ATP10D: variants seen among roughly 807,000 people sequenced by gnomAD.
ATP10D encodes the protein phospholipid-transporting ATPase VD.
ATP10D carries 89 observed loss-of-function variants against 144.8 expected under a neutral mutation model. That is an observed-to-expected ratio of 0.61 (90% CI 0.52 to 0.73). ATP10D has a LOEUF of 0.73. ATP10D is among the 30% of genes least tolerant of loss of function. The pLI is 0.00. For synonymous variants in ATP10D, 571 were observed against 615.1 expected (o/e 0.93, Z 1.06); for missense variants, 1,603 against 1,714.8 (o/e 0.93, Z 1.15).
At chr4:47,492,243 C>T (rs1272750589) in intron 1 of ATP10D, among the ~76,000 whole-genome samples, 1 of 152,164 alleles carries the variant, frequency 6.6e-6, no homozygotes, top group African/African-American at 2.4e-5. Flanking sequence ...AACTGATGCT[C>T]AGAAAGGCTA....
intron 1 of ATP10D, among the ~76,000 whole-genome samples, chr4:47,490,268 A>G (rs1715003667): frequency 6.6e-6 from 1 of 152,196 alleles, no homozygotes; most frequent in African/African-American, 2.4e-5. Context: ...TATTTTCTTC[A>G]CAAATATTCT....
At chr4:47,573,438 A>G (rs1005237517) in intron 18 of ATP10D, among the ~76,000 whole-genome samples, 18 of 152,272 alleles carry the variant, frequency 1.2e-4, no homozygotes, top group Admixed American at 8.5e-4. Context: ...ACAGATGAAA[A>G]CCTAGTATGT....
At chr4:47,554,958 AG>A in intron 11 of ATP10D, 44 bp downstream of exon 11, 1 of 1,556,122 alleles carries the variant, frequency 6.4e-7, no homozygotes, top group Middle Eastern at 1.7e-4. Context: ...TTTCCAGAAG[AG>A]AATTTTGGGT....
At chr4:47,576,020 C>T (rs538611912) in intron 18 of ATP10D, among the ~76,000 whole-genome samples, 2 of 149,138 alleles carry the variant, frequency 1.3e-5, no homozygotes, top group African/African-American at 2.5e-5. Context: ...CAAGCTCCGC[C>T]TCCCGGGTTC....
chr4:47,592,971 C>T lies in ATP10D; in HGVS notation c.*1590C>T, dbSNP rs1361325065. The T allele has an allele frequency of 6.6e-6, 1 of 152,140 alleles. No homozygotes were observed. Among genetic ancestry groups the T allele is most frequent in the African/African-American group, 2.4e-5 (1 of 41,422 alleles). The allele number at this position is 152,140 out of a possible 1,614,324, so 9.4% of individuals were successfully genotyped here. On this transcript the variant is annotated 3_prime_UTR_variant, in exon 23 of 23. Transcript: ENST00000273859. ...TTAGAAGGAAAGTCACAAAGCATGC[C>T]TTTTACCAGAATATTGCTTTGCCTT...
intron 1 of ATP10D, among the ~76,000 whole-genome samples, chr4:47,498,464 G>A (rs1006715466): frequency 6.6e-6 from 1 of 152,228 alleles, no homozygotes; most frequent in African/African-American, 2.4e-5. Context: ...TAAGTCATCA[G>A]TAGTATGAGG....
chr4:47,544,431 A>G (rs921140791), intron 9 of ATP10D, among the ~76,000 whole-genome samples: 2 of 152,234 alleles, frequency 1.3e-5, no homozygotes, highest in Non-Finnish European at 1.5e-5. Flanking sequence ...GCAAAGGCAT[A>G]GATGAAAATG....
chr4:47,536,336 A>G (rs1717844306), intron 7 of ATP10D, 101 bp from the exon 8 acceptor site: 1 of 1,446,122 alleles, frequency 6.9e-7, no homozygotes, highest in Admixed American at 2.1e-5. Context: ...TTGATGTCCA[A>G]CCAAAATGAA....
At chr4:47,521,572 T>C (rs148516607) in intron 3 of ATP10D, among the ~76,000 whole-genome samples, 1 of 152,314 alleles carries the variant, frequency 6.6e-6, no homozygotes, top group Non-Finnish European at 1.5e-5. Context: ...CATTACTCTG[T>C]CTCAGGAGTT....
intron 15 of ATP10D, among the ~76,000 whole-genome samples, chr4:47,567,319 ATAGT>A (rs1719693425): frequency 6.6e-6 from 1 of 152,264 alleles, no homozygotes; most frequent in African/African-American, 2.4e-5. Flanking sequence ...AATGAAAAAA[ATAGT>A]TAATTTGTAA....
chr4:47,535,313 A>G (rs1426481088), intron 5 of ATP10D, among the ~76,000 whole-genome samples, 196 bp from the exon 6 acceptor site: 1 of 109,722 alleles, frequency 9.1e-6, no homozygotes, highest in Non-Finnish European at 2.1e-5. Context: ...TGAACCTAAA[A>G]GTCTAAAAAA....
chr4:47,523,062 A>T lies in ATP10D; in HGVS notation c.536A>T (p.Asp179Val), dbSNP rs1371965807. 2 of 1,613,576 alleles carry T rather than the reference A, an allele frequency of 1.2e-6. No individual in the cohort carries two copies. Among genetic ancestry groups the T allele is most frequent in the Non-Finnish European group, 1.7e-6 (2 of 1,179,936 alleles). ...TGCTGGAAAGACGTTACTGTTGGGGACTTTATTCGCCTCTCCTGCAACGAG... is the reference window on the plus strand; with the variant it reads ...TGCTGGAAAGACGTTACTGTTGGGGTCTTTATTCGCCTCTCCTGCAACGAG... ...DRCWKDVTVG[D>V]FIRLSCNEVI... is the part of the protein sequence containing the mutation. The change falls in exon 4 of 23, where the codon GAC (aspartate) becomes GTC (valine). Residue 179 changes from aspartate (D) to valine (V), a missense_variant. Asp to Val is a radical substitution (Grantham distance 152). Transcript: ENST00000273859.
intron 16 of ATP10D, among the ~76,000 whole-genome samples, chr4:47,570,988 T>C (rs189513367): frequency 1.9e-3 from 282 of 152,210 alleles, no homozygotes; most frequent in Non-Finnish European, 3.4e-3. Context: ...CCCTCTGGAC[T>C]GCTTCCAGTC....
chr4:47,499,100 C>A (rs926777752), intron 1 of ATP10D, among the ~76,000 whole-genome samples: 10 of 152,290 alleles, frequency 6.6e-5, no homozygotes, highest in African/African-American at 2.4e-4. Flanking sequence ...ATTTTGTGGT[C>A]TGAAGCTTGG....
intron 4 of ATP10D, among the ~76,000 whole-genome samples, chr4:47,523,847 G>A (rs1318803295): frequency 6.6e-6 from 1 of 152,210 alleles, no homozygotes; most frequent in Admixed American, 6.5e-5. Context: ...TATGAAAACA[G>A]CATATATAGT....
chr4:47,531,012 T>C (rs991620104), intron 5 of ATP10D, among the ~76,000 whole-genome samples: 29 of 152,312 alleles, frequency 1.9e-4, no homozygotes, highest in Non-Finnish European at 3.2e-4. Flanking sequence ...GCTGGCTTCA[T>C]GGAATGAGTT....
intron 1 of ATP10D, among the ~76,000 whole-genome samples, chr4:47,493,599 A>T (rs766889390): frequency 6.6e-6 from 1 of 152,184 alleles, no homozygotes; most frequent in Non-Finnish European, 1.5e-5. Flanking sequence ...TTCATTTACC[A>T]TGGGTTTATG....
intron 1 of ATP10D, among the ~76,000 whole-genome samples, chr4:47,494,472 G>T (rs769553246): frequency 1.7e-4 from 22 of 128,120 alleles, no homozygotes; most frequent in South Asian, 7.3e-4. Context: ...AACATAGGCT[G>T]TATTCTTTTA....
chr4:47,555,576 C>G lies in ATP10D; in HGVS notation c.1824+662C>G, dbSNP rs548218441. On this transcript the variant is annotated intron_variant, in intron 11 of 22. Transcript: ENST00000273859. ...GGATTTGAACCTAGGAAATACAGCT[C>G]GGTGCTACTATATTATTTGCCTCTA... Among the ~76,000 whole-genome samples, 5 of 152,140 alleles carry G rather than the reference C, an allele frequency of 3.3e-5. No homozygotes were observed. In the East Asian group the frequency reaches 9.7e-4, roughly 29 times the overall value.
Sources: gnomAD v4.1 joint callset for allele counts (sites outside exome capture counted in the v4.1 genomes callset) on GRCh38, gnomAD v4.1.1 for gene constraint, MANE v1.5 for transcripts, NCBI Gene and HGNC (gene_info 2026-07-23, HGNC 2026-07-21) for gene names.